CA10: variants seen among roughly 807,000 people sequenced by gnomAD.
CA10 encodes the protein carbonic anhydrase-related protein 10.
CA10 carries 14 observed loss-of-function variants against 44.2 expected under a neutral mutation model. That is an observed-to-expected ratio of 0.32 (90% CI 0.21 to 0.50). The LOEUF is 0.50. Ranked by LOEUF, CA10 falls within the 20% of genes least tolerant of loss-of-function variation. CA10 has a pLI of 0.99. For missense variants in CA10, 350 were observed against 409.7 expected, an observed-to-expected ratio of 0.85 and a Z score of 1.26; for synonymous variants, 159 against 141.6, an observed-to-expected ratio of 1.12 and a Z score of -0.87.
At chr17:52,028,625 C>A (rs1401535485) in intron 2 of CA10, among the ~76,000 whole-genome samples, 1 of 152,146 alleles carries the variant, frequency 6.6e-6, no homozygotes, top group East Asian at 1.9e-4. Context: ...ATATTGGAGG[C>A]CGTTGCTCTG....
chr17:51,900,098 C>A (rs1050782755), intron 3 of CA10, among the ~76,000 whole-genome samples: 1 of 151,960 alleles, frequency 6.6e-6, no homozygotes, highest in Non-Finnish European at 1.5e-5. Context: ...GTTATGCAGA[C>A]TTGATTGTAT....
At chr17:51,821,100 C>T (rs1478862822) in intron 3 of CA10, among the ~76,000 whole-genome samples, 1 of 118,166 alleles carries the variant, frequency 8.5e-6, no homozygotes, top group African/African-American at 3.2e-5. Flanking sequence ...TCCCTTCCTT[C>T]CTTCCTTCCT....
At chr17:51,739,259 T>G (rs1342908139) in intron 4 of CA10, among the ~76,000 whole-genome samples, 1 of 151,960 alleles carries the variant, frequency 6.6e-6, no homozygotes, top group African/African-American at 2.4e-5. Context: ...TTCACGGAAA[T>G]GTTGTGAGCG....
chr17:51,790,988 C>T (rs1906498962), intron 3 of CA10, among the ~76,000 whole-genome samples: 1 of 152,186 alleles, frequency 6.6e-6, no homozygotes, highest in Non-Finnish European at 1.5e-5. Context: ...AGGTTTAATT[C>T]CAGGCTTCCC....
chr17:51,866,856 T>C (rs745823205), intron 3 of CA10, among the ~76,000 whole-genome samples: 1 of 152,208 alleles, frequency 6.6e-6, no homozygotes, highest in Non-Finnish European at 1.5e-5. Context: ...ACTGAATATT[T>C]TAATGCAAGT....
intron 4 of CA10, among the ~76,000 whole-genome samples, chr17:51,682,298 A>C (rs1473815833): frequency 6.6e-6 from 1 of 152,282 alleles, no homozygotes; most frequent in East Asian, 1.9e-4. Flanking sequence ...GTGGGTGTTT[A>C]TTCTGAGAGT....
At chr17:51,878,368 G>T (rs1000490193) in intron 3 of CA10, among the ~76,000 whole-genome samples, 2 of 152,026 alleles carry the variant, frequency 1.3e-5, no homozygotes, top group African/African-American at 2.4e-5. Flanking sequence ...AATGTAGGAA[G>T]TATGACCCTA....
intron 3 of CA10, among the ~76,000 whole-genome samples, chr17:51,806,011 C>CTT (rs1907120701): frequency 6.6e-6 from 1 of 152,142 alleles, no homozygotes; most frequent in African/African-American, 2.4e-5. Flanking sequence ...AAGGAAAGAG[C>CTT]TTGGCCCAGG....
chr17:51,885,753 A>T (rs1456522706), intron 3 of CA10, among the ~76,000 whole-genome samples: 1 of 152,088 alleles, frequency 6.6e-6, no homozygotes, highest in Non-Finnish European at 1.5e-5. Flanking sequence ...TTATCTCTTC[A>T]TTTTTCCTTC....
chr17:52,004,300 G>A (rs986777100), intron 2 of CA10, among the ~76,000 whole-genome samples: 7 of 151,910 alleles, frequency 4.6e-5, no homozygotes, highest in African/African-American at 1.7e-4. Flanking sequence ...CATATGAAAA[G>A]TTAATGAAAC....
intron 3 of CA10, among the ~76,000 whole-genome samples, chr17:51,859,924 T>C (rs928387116): frequency 2.0e-5 from 3 of 152,146 alleles, no homozygotes; most frequent in African/African-American, 7.2e-5. Context: ...TATTTAAAGG[T>C]CAGAGTGGTG....
intron 2 of CA10, among the ~76,000 whole-genome samples, chr17:52,025,352 A>G (rs1182833940): frequency 6.6e-6 from 1 of 151,996 alleles, no homozygotes; most frequent in East Asian, 1.9e-4. Flanking sequence ...AATAAAGCTA[A>G]CTTATTGTCA....
intron 3 of CA10, among the ~76,000 whole-genome samples, chr17:51,812,805 A>T (rs576329851): frequency 1.3e-5 from 2 of 152,298 alleles, no homozygotes; most frequent in East Asian, 3.9e-4. Context: ...TGGCTTGAGT[A>T]CAAGGAAAGG....
intron 2 of CA10, among the ~76,000 whole-genome samples, chr17:51,997,034 T>C (rs1229971993): frequency 6.6e-6 from 1 of 152,064 alleles, no homozygotes; most frequent in Admixed American, 6.6e-5. Flanking sequence ...GATATTAGAT[T>C]GTACCTTAAG....
At chr17:51,961,077 A>G (rs541604378) in intron 2 of CA10, among the ~76,000 whole-genome samples, 11 of 152,260 alleles carry the variant, frequency 7.2e-5, no homozygotes, top group African/African-American at 2.6e-4. Context: ...CTTATGCCCA[A>G]GAGTTCCAGT....
chr17:51,652,570 G>A (rs947655289), intron 5 of CA10, among the ~76,000 whole-genome samples: 25 of 152,272 alleles, frequency 1.6e-4, no homozygotes, highest in Non-Finnish European at 2.5e-4. Flanking sequence ...CAGTGCATAG[G>A]TCTGCCCTGA....
intron 2 of CA10, among the ~76,000 whole-genome samples, chr17:52,059,308 C>A (rs1987313694): frequency 6.6e-6 from 1 of 152,034 alleles, no homozygotes. Flanking sequence ...CTTTGGAAAC[C>A]ATGCAGCTCA....
At chr17:51,965,646 T>C (rs2144059080) in intron 2 of CA10, among the ~76,000 whole-genome samples, 1 of 152,092 alleles carries the variant, frequency 6.6e-6, no homozygotes, top group Non-Finnish European at 1.5e-5. Context: ...AAGCCTTTTA[T>C]AAAATTCAGC....
intron 2 of CA10, among the ~76,000 whole-genome samples, chr17:52,039,441 A>C (rs1157833497): frequency 6.6e-6 from 1 of 152,080 alleles, no homozygotes; most frequent in Non-Finnish European, 1.5e-5. Context: ...ATTTTTTTTA[A>C]AGTGATCTGA....
Sources: gnomAD v4.1 joint callset for allele counts (sites outside exome capture counted in the v4.1 genomes callset) on GRCh38, gnomAD v4.1.1 for gene constraint, MANE v1.5 for transcripts, NCBI Gene and HGNC (gene_info 2026-07-23, HGNC 2026-07-21) for gene names.